EYS: variants seen among roughly 807,000 people sequenced by gnomAD.
The protein encoded by EYS is EGF-like photoreceptor maintenance factor, also known as protein eyes shut homolog.
Under a neutral mutation model 282.1 loss-of-function variants are expected in EYS, and 250 were observed. That is an observed-to-expected ratio of 0.89 (90% CI 0.80 to 0.98). EYS has a LOEUF of 0.98. Ranked by LOEUF, EYS falls within the 50% of genes least tolerant of loss-of-function variation. The pLI, the probability that EYS is intolerant of heterozygous loss-of-function variation, is 0.00. For synonymous variants in EYS, 1,355 were observed against 1,282.9 expected (o/e 1.06, Z -1.20); for missense variants, 4,016 against 3,709.0 (o/e 1.08, Z -2.15).
chr6:63,835,319 T>A (rs1236771805), intron 36 of EYS, among the ~76,000 whole-genome samples: 1 of 151,110 alleles, frequency 6.6e-6, no homozygotes, highest in Non-Finnish European at 1.5e-5. Context: ...ACTCTATATA[T>A]ACATATATAC....
At position 65,494,872 on chromosome 6, in the gene EYS, G is replaced by A. The variant is rs1729913407; in HGVS notation, c.539C>T (p.Ser180Leu). Residue 180 changes from serine to leucine, a missense_variant, in exon 4 of 43, where the codon TCA becomes TTA. Physicochemically the swap from Ser to Leu is moderately radical, Grantham distance 145. Transcript: ENST00000503581. The part of the protein sequence containing the change: ...KQQFCQESLS[S>L]EFCSGHGKCL... ...TTTACCATGACCAGAGCAAAATTCTGAACTCAGAGATTCCTGGCAGAACTG... is the reference window on the plus strand; with the variant it reads ...TTTACCATGACCAGAGCAAAATTCTAAACTCAGAGATTCCTGGCAGAACTG... The A allele has an allele frequency of 1.9e-6, 3 of 1,613,924 alleles. No homozygotes were observed. Among genetic ancestry groups the A allele is most frequent in the Non-Finnish European group, 2.5e-6 (3 of 1,179,880 alleles).
chr6:64,973,796 C>T (rs906470552), intron 14 of EYS, among the ~76,000 whole-genome samples: 7 of 151,786 alleles, frequency 4.6e-5, no homozygotes, highest in Admixed American at 1.3e-4. Flanking sequence ...CTGCATTTTT[C>T]GTAAAGCAGG....
In EYS at chr6:64,661,084, A is replaced by G. The variant is rs567304642; in HGVS notation, c.3444-34839T>C. Reference sequence around the variant, plus strand: ...ACAGAGCCCTCAGAAATAATGCCACATATCTACAACCATCTGATCTTTGAC... The same window carrying G: ...ACAGAGCCCTCAGAAATAATGCCACGTATCTACAACCATCTGATCTTTGAC... On this transcript the variant is annotated intron_variant, in intron 22 of 42. Coordinates refer to ENST00000503581, the MANE Select transcript of EYS (RefSeq NM_001142800.2). Among the ~76,000 whole-genome samples the G allele has an allele frequency of 2.7e-3, 408 of 152,318 alleles. 2 individuals are homozygous for G. The highest frequency in any genetic ancestry group is 9.2e-3 in the African/African-American group (382 of 41,564).
intron 19 of EYS, among the ~76,000 whole-genome samples, chr6:64,831,723 G>A (rs981933302): frequency 4.0e-5 from 6 of 151,826 alleles, no homozygotes; most frequent in Admixed American, 6.6e-5. Context: ...ACAAGAATGC[G>A]GCCAGTTGTT....
intron 26 of EYS, among the ~76,000 whole-genome samples, chr6:64,522,891 G>C (rs913021600): frequency 2.0e-5 from 3 of 151,710 alleles, no homozygotes; most frequent in Admixed American, 6.6e-5. Context: ...AAGATGAAAA[G>C]AAAATAGCTC....
At chr6:65,395,129 T>C (rs1766231776) in intron 7 of EYS, among the ~76,000 whole-genome samples, 1 of 152,212 alleles carries the variant, frequency 6.6e-6, no homozygotes, top group Non-Finnish European at 1.5e-5. Flanking sequence ...AATGGCGCGA[T>C]CTTAGCTCAC....
intron 12 of EYS, among the ~76,000 whole-genome samples, chr6:65,112,188 C>T (rs1006366737): frequency 6.6e-6 from 1 of 152,048 alleles, no homozygotes; most frequent in African/African-American, 2.4e-5. Flanking sequence ...TACTAATAAT[C>T]ATGAACATTC....
At chr6:65,010,575 C>T (rs754069086) in intron 13 of EYS, among the ~76,000 whole-genome samples, 1 of 152,172 alleles carries the variant, frequency 6.6e-6, no homozygotes, top group Non-Finnish European at 1.5e-5. Context: ...AACTTGTGTA[C>T]TGATGGAAGT....
intron 2 of EYS, among the ~76,000 whole-genome samples, chr6:65,526,624 T>C (rs894055211): frequency 2.0e-5 from 3 of 152,040 alleles, no homozygotes; most frequent in African/African-American, 7.2e-5. Flanking sequence ...GCTAACACGG[T>C]GAAACCCCGT....
intron 21 of EYS, among the ~76,000 whole-genome samples, chr6:64,815,595 G>A (rs2150017721): frequency 6.6e-6 from 1 of 152,072 alleles, no homozygotes; most frequent in African/African-American, 2.4e-5. Flanking sequence ...AAATTTAAAA[G>A]GATGCCTTTC....
chr6:64,553,981 A>T (rs1258702571), intron 26 of EYS, among the ~76,000 whole-genome samples: 1 of 152,120 alleles, frequency 6.6e-6, no homozygotes, highest in Non-Finnish European at 1.5e-5. Context: ...TCTTATACAG[A>T]TATATTATAA....
At chr6:63,827,924 A>C (rs1043561186) in intron 36 of EYS, among the ~76,000 whole-genome samples, 2 of 152,032 alleles carry the variant, frequency 1.3e-5, no homozygotes, top group Non-Finnish European at 2.9e-5. Flanking sequence ...CTTGAAATCA[A>C]CTCCAAAAGG....
At chr6:65,009,413 A>T (rs1187952697) in intron 13 of EYS, among the ~76,000 whole-genome samples, 1 of 152,156 alleles carries the variant, frequency 6.6e-6, no homozygotes, top group Non-Finnish European at 1.5e-5. Flanking sequence ...AGCTGTACCT[A>T]GCCCTTATAC....
intron 12 of EYS, among the ~76,000 whole-genome samples, chr6:65,069,890 C>A (rs1773856472): frequency 6.6e-6 from 1 of 151,886 alleles, no homozygotes; most frequent in South Asian, 2.1e-4. Flanking sequence ...AAATCATTAT[C>A]TTTCTCCCAA....
At chr6:63,780,916 A>G (rs1395220418) in intron 39 of EYS, among the ~76,000 whole-genome samples, 1 of 152,160 alleles carries the variant, frequency 6.6e-6, no homozygotes, top group Non-Finnish European at 1.5e-5. Flanking sequence ...ATCTTGAATT[A>G]ATTTTTGTAT....
intron 2 of EYS, among the ~76,000 whole-genome samples, chr6:65,636,123 A>G (rs1363072572): frequency 6.6e-6 from 1 of 152,170 alleles, no homozygotes; most frequent in African/African-American, 2.4e-5. Context: ...CTCTTGTCTT[A>G]TTTGGCCTAT....
chr6:65,193,330 AC>A (rs1326214536), intron 12 of EYS, among the ~76,000 whole-genome samples: 1 of 151,874 alleles, frequency 6.6e-6, no homozygotes, highest in Non-Finnish European at 1.5e-5. Flanking sequence ...CACATTTATC[AC>A]CAGTTTACTG....
chr6:64,889,065 A>G (rs1412898367), intron 18 of EYS, among the ~76,000 whole-genome samples: 1 of 152,054 alleles, frequency 6.6e-6, no homozygotes, highest in African/African-American at 2.4e-5. Context: ...ATTGAATACT[A>G]GAAAATTATT....
intron 22 of EYS, among the ~76,000 whole-genome samples, chr6:64,812,927 T>A (rs1383384951): frequency 6.6e-5 from 10 of 152,152 alleles, no homozygotes; most frequent in Non-Finnish European, 1.3e-4. Flanking sequence ...ATATAGTGAT[T>A]GATAGAATAA....
Sources: allele counts gnomAD v4.1 joint callset (sites outside exome capture counted in the v4.1 genomes callset), GRCh38; gene constraint gnomAD v4.1.1; transcripts MANE v1.5; gene names NCBI Gene and HGNC (gene_info 2026-07-23, HGNC 2026-07-21).